Variants in SMARCA4 observed in about 807,000 individuals in gnomAD.
SMARCA4 encodes the protein SWI/SNF-related matrix-associated actin-dependent regulator of chromatin subfamily A member 4.
A neutral mutation model predicts 193.9 loss-of-function variants in SMARCA4; 31 were observed. The ratio of observed to expected loss-of-function variants is 0.16; its 90% CI spans 0.12 to 0.22. The LOEUF (loss-of-function observed/expected upper bound fraction) is 0.22. Among genes scored for constraint, SMARCA4 ranks in the 10% least tolerant of loss-of-function variants. The pLI is 1.00. For missense variants in SMARCA4, 1,148 were observed against 2,296.0 expected (o/e 0.50, Z 10.22); for synonymous variants, 942 against 933.1 (o/e 1.01, Z -0.17).
At chr19:11,046,067 CA>C (rs2075890456) in intron 30 of SMARCA4, among the ~76,000 whole-genome samples, 1 of 152,014 alleles carries the variant, frequency 6.6e-6, no homozygotes, top group Non-Finnish European at 1.5e-5. Context: ...ACTAAAAATA[CA>C]AAAAATTAGC....
At chr19:11,061,625 C>G (rs1401637560) in intron 34 of SMARCA4, 159 bp from the exon 35 acceptor site, 2 of 739,876 alleles carry the variant, frequency 2.7e-6, no homozygotes, top group East Asian at 5.1e-5. Context: ...ATCCGCCCGC[C>G]TTGGCCTTCC....
At chr19:10,974,227 T>G (rs926477088) in intron 1 of SMARCA4, among the ~76,000 whole-genome samples, 1 of 152,114 alleles carries the variant, frequency 6.6e-6, no homozygotes, top group African/African-American at 2.4e-5. Context: ...AGACAAAAGC[T>G]AGGGGTGGCG....
chr19:11,059,690 A>G (rs2147110576), intron 32 of SMARCA4, 63 bp from the exon 33 acceptor site: 15 of 1,533,326 alleles, frequency 9.8e-6, no homozygotes, highest in Non-Finnish European at 1.2e-5. Context: ...GGCTGGGGCC[A>G]GGGCCGGGCA....
At chr19:10,991,905 G>A (rs2086592662) in intron 8 of SMARCA4, among the ~76,000 whole-genome samples, 1 of 152,136 alleles carries the variant, frequency 6.6e-6, no homozygotes, top group African/African-American at 2.4e-5. Context: ...GCCATAGAGG[G>A]TTCTGGGCAG....
Position 11,058,629 on chromosome 19 carries a change from T to C in SMARCA4, c.4534-159T>C, listed in dbSNP as rs36049922. On this transcript the variant is annotated intron_variant, in intron 31 of 34. Coordinates refer to ENST00000344626, the MANE Select transcript of SMARCA4 (RefSeq NM_003072.5). This position sits in a 1 kb window ranked among gnomAD's most constrained non-coding sequence, Gnocchi z 5.8. ...TTAGTGCTGGGCCTCAGTCATGCAG[T>C]TCCCATGCCTAGTGAGCCAGGTTAC... Among the ~76,000 whole-genome samples the C allele has an allele frequency of 0.028, 4,257 of 152,194 alleles. 88 individuals are homozygous for C. The highest frequency in any genetic ancestry group is 0.042 in the Non-Finnish European group (2,841 of 68,000).
At chr19:10,964,911 G>A (rs1409000639) in intron 1 of SMARCA4, among the ~76,000 whole-genome samples, 1 of 152,120 alleles carries the variant, frequency 6.6e-6, no homozygotes, top group Non-Finnish European at 1.5e-5. Flanking sequence ...GTGAGCCACC[G>A]TGCCCAGCCA....
At chr19:11,005,528 T>G (rs887957307) in intron 13 of SMARCA4, among the ~76,000 whole-genome samples, 1 of 152,232 alleles carries the variant, frequency 6.6e-6, no homozygotes, top group Non-Finnish European at 1.5e-5. Flanking sequence ...CTGGCACTTA[T>G]GCTTTGCTGA....
At chr19:11,002,898 C>T in intron 11 of SMARCA4, 131 bp from the exon 12 acceptor site, 1 of 919,732 alleles carries the variant, frequency 1.1e-6, no homozygotes, top group South Asian at 1.3e-5. Flanking sequence ...TACGCATTTT[C>T]CCACCACTGG....
rs2145824775 is a variant in SMARCA4 at position 10,987,962 on chromosome 19, T to C, written c.1118+38T>C. ...CCCAGTTGCCAAGGTCACTGCCCTG[T>C]GTCCCCCATGTCCCCCTGGGGAAGC... is the stretch of plus-strand genomic sequence containing the variant. On this transcript the variant is annotated intron_variant, in intron 6 of 34. Coordinates refer to ENST00000344626, the MANE Select transcript of SMARCA4 (RefSeq NM_003072.5). The surrounding 1 kb of genome is among the most constrained non-coding windows in gnomAD (Gnocchi z 5.3). The C allele has an allele frequency of 6.2e-7, 1 of 1,604,612 alleles. No individual in the cohort carries two copies. Among genetic ancestry groups the C allele is most frequent in the South Asian group, 1.1e-5 (1 of 90,160 alleles).
At chr19:10,996,717 G>C (rs1402814783) in intron 11 of SMARCA4, among the ~76,000 whole-genome samples, 173 bp downstream of exon 11, 1 of 151,296 alleles carries the variant, frequency 6.6e-6, no homozygotes, top group East Asian at 1.9e-4. Flanking sequence ...CCCACATGTT[G>C]TGTTTTCTTC....
chr19:11,030,535 G>GT lies in SMARCA4; in HGVS notation c.3383-191dup, dbSNP rs1343002095. Among the ~76,000 whole-genome samples the GT allele has an allele frequency of 6.6e-6, 1 of 152,198 alleles. No individual in the cohort carries two copies. Among genetic ancestry groups the GT allele is most frequent in the African/African-American group, 2.4e-5 (1 of 41,468 alleles). ...TCATTTCTGGGATGTGTGGAGAGAC[G>GT]TTTTGTGGTGAAACACTGGAAATCC... On this transcript the variant is annotated intron_variant, in intron 24 of 34. Transcript: ENST00000344626. This position sits in a 1 kb window ranked among gnomAD's most constrained non-coding sequence, Gnocchi z 5.5.
rs902255266 is a variant in SMARCA4 at position 11,021,402 on chromosome 19, G to A, written c.2617-323G>A. ...AGCAAGATGTGTCTTCTGCCAGAAC[G>A]TGCTCGGCATTTTTCTGTGCTGTAG... On this transcript the variant is annotated intron_variant, in intron 18 of 34. Coordinates refer to ENST00000344626, the MANE Select transcript of SMARCA4 (RefSeq NM_003072.5). 1.3e-4 allele frequency: 58 copies of A among 436,370 alleles called. 1 individual carries two copies. The highest frequency in any genetic ancestry group is 1.9e-4 in the Non-Finnish European group (43 of 224,992). The allele number at this position is 436,370 out of a possible 1,614,324, so 27.0% of individuals were successfully genotyped here. A position where few individuals can be genotyped will look rare whatever the true frequency, so the allele number is the denominator to read the frequency against.
intron 30 of SMARCA4, among the ~76,000 whole-genome samples, chr19:11,053,351 G>GT (rs1425184991): frequency 6.6e-6 from 1 of 151,748 alleles, no homozygotes; most frequent in Admixed American, 6.6e-5. Flanking sequence ...GGGCATGGTG[G>GT]TGGGTGCCTG....
In SMARCA4 at chr19:11,041,323, C is replaced by T. The variant is rs1262500025; in HGVS notation, c.4187C>T (p.Thr1396Met). The T allele has an allele frequency of 3.1e-6, 5 of 1,611,138 alleles. No individual in the cohort carries two copies. Among genetic ancestry groups the T allele is most frequent in the African/African-American group, 1.3e-5 (1 of 74,884 alleles). The part of the protein sequence containing the change: ...KQWLKAIEEG[T>M]LEEIEEEVRQ... ...ACCCTGAAGGCCATCGAGGAGGGCA[C>T]GCTGGAGGAGATCGAAGAGGAGGTC... The change falls in exon 30 of 35, where the codon ACG (threonine) becomes ATG (methionine). Residue 1396 changes from threonine (T) to methionine (M), a missense_variant. By Grantham distance (81) the Thr-to-Met change is moderately conservative (BLOSUM62 -1). Transcript: ENST00000344626. This position sits in a 1 kb window ranked among gnomAD's most constrained non-coding sequence, Gnocchi z 5.6.
Position 11,047,330 on chromosome 19 carries a change from G to A in SMARCA4, c.4424+5770G>A, listed in dbSNP as rs540549329. ...CAGGGCTTTCCTTTGTCTCCTCCCT[G>A]TGGAGTTGAAGACAGCGCTGATGTT... On this transcript the variant is annotated intron_variant, in intron 30 of 34. Transcript: ENST00000344626. 1.4e-4 allele frequency among the ~76,000 whole-genome samples: 22 copies of A among 152,240 alleles called. 1 individual carries two copies. In the South Asian group the frequency reaches 4.6e-3, roughly 32 times the overall value.
At chr19:10,977,364 C>A (rs547996348) in intron 1 of SMARCA4, among the ~76,000 whole-genome samples, 1 of 152,030 alleles carries the variant, frequency 6.6e-6, no homozygotes, top group African/African-American at 2.4e-5. Context: ...TGCTCTGTTG[C>A]CCAGGCTGGA....
In SMARCA4 at chr19:11,062,060, T is replaced by C. The variant is rs1433571416; in HGVS notation, c.*244T>C. 6 of 580,310 alleles carry C rather than the reference T, an allele frequency of 1.0e-5. No individual in the cohort carries two copies. Among genetic ancestry groups the C allele is most frequent in the Non-Finnish European group, 1.9e-5 (6 of 322,518 alleles). 35.9% of individuals were successfully genotyped at this position (580,310 alleles called of 1,614,324 possible). ...AAAGAGAGAGAGAGAGAATTCCGAA[T>C]TGGGGAACACACGATACCTGTTTTT... On this transcript the variant is annotated 3_prime_UTR_variant, in exon 35 of 35. Transcript: ENST00000344626.
chr19:11,061,731 G>A, intron 34 of SMARCA4, 53 bp from the exon 35 acceptor site: 1 of 1,577,034 alleles, frequency 6.3e-7, no homozygotes, highest in Non-Finnish European at 8.7e-7. Flanking sequence ...CCCTGGCAAG[G>A]TGCCCTGGCA....
chr19:10,996,133 C>T (rs1271446668), intron 9 of SMARCA4, 80 bp from the exon 10 acceptor site: 1 of 1,488,074 alleles, frequency 6.7e-7, no homozygotes, highest in African/African-American at 1.4e-5. Context: ...CCTCAGTGCG[C>T]TTCTGGATTG....
Sources: allele counts gnomAD v4.1 joint callset (sites outside exome capture counted in the v4.1 genomes callset), GRCh38; gene constraint gnomAD v4.1.1; non-coding constraint Gnocchi (gnomAD v3.1); transcripts MANE v1.5; gene names NCBI Gene and HGNC (gene_info 2026-07-23, HGNC 2026-07-21).